The following DPP6 variants were observed in gnomAD, a reference collection of about 807,000 sequenced individuals.
DPP6 encodes dipeptidyl peptidase like 6, also known as A-type potassium channel modulatory protein DPP6.
DPP6 carries 69 observed loss-of-function variants against 122.6 expected under a neutral mutation model. That is an observed-to-expected ratio of 0.56 (90% confidence interval 0.46 to 0.69). The LOEUF (loss-of-function observed/expected upper bound fraction) is 0.69. Among genes scored for constraint, DPP6 ranks in the 30% least tolerant of loss-of-function variants. The pLI, the probability that DPP6 is intolerant of heterozygous loss-of-function variation, is 0.00. For synonymous variants in DPP6, 418 were observed against 433.1 expected (o/e 0.97, Z 0.43); for missense variants, 928 against 1,116.9 (o/e 0.83, Z 2.41).
intron 3 of DPP6, among the ~76,000 whole-genome samples, chr7:154,537,941 A>G (rs1828396783): frequency 6.6e-6 from 1 of 152,138 alleles, no homozygotes; most frequent in African/African-American, 2.4e-5. Context: ...AGTGAGAACT[A>G]AGAGCCAAGA....
intron 1 of DPP6, among the ~76,000 whole-genome samples, chr7:154,298,162 A>G (rs1294699762): frequency 1.3e-5 from 2 of 152,204 alleles, no homozygotes; most frequent in African/African-American, 4.8e-5. Context: ...GGCTTGAGCC[A>G]CCATCCCAAC....
At chr7:154,387,916 A>C (rs1317323666) in intron 1 of DPP6, among the ~76,000 whole-genome samples, 1 of 147,142 alleles carries the variant, frequency 6.8e-6, no homozygotes, top group Non-Finnish European at 1.5e-5. Context: ...CTGGAAGGTC[A>C]GCTCCATGAG....
chr7:154,175,140 A>C (rs573159409), intron 1 of DPP6, among the ~76,000 whole-genome samples: 40 of 151,930 alleles, frequency 2.6e-4, no homozygotes, highest in African/African-American at 8.9e-4. Flanking sequence ...CTTTATACTT[A>C]ATACTGCCCA....
At chr7:154,430,397 G>A (rs983176639) in intron 1 of DPP6, among the ~76,000 whole-genome samples, 3 of 152,184 alleles carry the variant, frequency 2.0e-5, no homozygotes, top group African/African-American at 7.2e-5. Flanking sequence ...GGAGGCTGGG[G>A]AATCTGAAGT....
chr7:153,867,911 T>C, the DPP6 span, among the ~76,000 whole-genome samples: 4 of 152,324 alleles, frequency 2.6e-5, no homozygotes, highest in South Asian at 8.3e-4. Context: ...GAGATAATCA[T>C]GTGGTTTTTG....
At position 154,062,016 on chromosome 7, in the gene DPP6, G is replaced by T. The variant is rs74190223; in HGVS notation, c.243+8953G>T. ...CTGGCTGTTGGTACCCCCATCGCAG[G>T]GGGGGGGAGGCACCCCCCGCGAGGC... On this transcript the variant is annotated intron_variant, in intron 1 of 25. Transcript: ENST00000377770. 3.0e-5 allele frequency among the ~76,000 whole-genome samples: 3 copies of T among 100,918 alleles called. 1 individual carries two copies. Among genetic ancestry groups the T allele is most frequent in the South Asian group, 4.2e-4 (1 of 2,402 alleles). 66.2% of individuals were successfully genotyped at this position (100,918 alleles called of 152,430 possible).
Position 154,833,028 on chromosome 7 carries a change from C to G in DPP6, c.1667-20752C>G, listed in dbSNP as rs901673360. On this transcript the variant is annotated intron_variant, in intron 16 of 25. Coordinates refer to ENST00000377770, the MANE Select transcript of DPP6 (RefSeq NM_130797.4). The surrounding 1 kb of genome is among the most constrained non-coding windows in gnomAD (Gnocchi z 4.3). ...GAGTTTGTGGAGATGAGGACAGAGGCCCTGCCCTCAAGTAGCCTGAAGTCT... is the reference window on the plus strand; with the variant it reads ...GAGTTTGTGGAGATGAGGACAGAGGGCCTGCCCTCAAGTAGCCTGAAGTCT... 9.2e-5 allele frequency among the ~76,000 whole-genome samples: 14 copies of G among 152,220 alleles called. No individual in the cohort carries two copies. Among genetic ancestry groups the G allele is most frequent in the African/African-American group, 3.1e-4 (13 of 41,464 alleles).
intron 1 of DPP6, among the ~76,000 whole-genome samples, chr7:154,080,039 C>G (rs1329164574): frequency 2.0e-5 from 3 of 150,536 alleles, no homozygotes; most frequent in Non-Finnish European, 4.4e-5. Flanking sequence ...GGAAGCCACA[C>G]GAGATAGCGC....
chr7:154,771,839 T>G (rs1240018494), intron 9 of DPP6, among the ~76,000 whole-genome samples: 1 of 152,222 alleles, frequency 6.6e-6, no homozygotes, highest in African/African-American at 2.4e-5. Context: ...AGCATTTTAG[T>G]TGGAAGCATA....
chr7:154,802,376 G>A (rs117885507), intron 13 of DPP6, among the ~76,000 whole-genome samples: 8 of 68,632 alleles, frequency 1.2e-4, no homozygotes, highest in Admixed American at 2.9e-4. Context: ...GGATGGAATC[G>A]GGGTGGGGGC....
chr7:153,924,306 A>G (rs1463113137), intron 1 of DPP6, among the ~76,000 whole-genome samples: 1 of 151,882 alleles, frequency 6.6e-6, no homozygotes, highest in Non-Finnish European at 1.5e-5. Flanking sequence ...ACGAGGTTTC[A>G]CCATTTTGGC....
At chr7:154,258,448 C>T (rs1802798561) in intron 1 of DPP6, among the ~76,000 whole-genome samples, 2 of 152,108 alleles carry the variant, frequency 1.3e-5, no homozygotes, top group Non-Finnish European at 2.9e-5. Context: ...AACTGAGATC[C>T]CGTGGAAGGA....
At chr7:154,066,633 T>A (rs1248685057) in intron 1 of DPP6, among the ~76,000 whole-genome samples, 2 of 151,138 alleles carry the variant, frequency 1.3e-5, no homozygotes, top group East Asian at 3.9e-4. Context: ...GAGACAAGAG[T>A]AGGAGCGAAG....
intron 1 of DPP6, among the ~76,000 whole-genome samples, chr7:154,140,695 C>T (rs1460214057): frequency 1.3e-5 from 2 of 152,122 alleles, no homozygotes; most frequent in Admixed American, 6.6e-5. Context: ...GAATTATATA[C>T]CTAACATGAT....
intron 1 of DPP6, among the ~76,000 whole-genome samples, chr7:154,404,076 C>T (rs940428432): frequency 1.3e-5 from 2 of 152,144 alleles, no homozygotes; most frequent in Non-Finnish European, 2.9e-5. Flanking sequence ...TTTTATTCAA[C>T]AAAGTAATTA....
At chr7:154,378,574 T>C (rs905177465) in intron 1 of DPP6, among the ~76,000 whole-genome samples, 7 of 152,148 alleles carry the variant, frequency 4.6e-5, no homozygotes, top group African/African-American at 1.7e-4. Context: ...CTTCTTGTTG[T>C]AGCCTTACAT....
At chr7:154,857,238 G>A (rs1288066707) in intron 17 of DPP6, among the ~76,000 whole-genome samples, 1 of 152,128 alleles carries the variant, frequency 6.6e-6, no homozygotes, top group African/African-American at 2.4e-5. Context: ...GGACAGTAGG[G>A]GTCCCATCTT....
At chr7:154,510,743 AT>A (rs1344911351) in intron 3 of DPP6, among the ~76,000 whole-genome samples, 1 of 152,008 alleles carries the variant, frequency 6.6e-6, no homozygotes, top group Non-Finnish European at 1.5e-5. Context: ...CTGCCAGGTA[AT>A]ATTGGAGCAA....
At chr7:154,430,884 T>C (rs1340936946) in intron 1 of DPP6, among the ~76,000 whole-genome samples, 1 of 121,628 alleles carries the variant, frequency 8.2e-6, no homozygotes, top group African/African-American at 2.6e-5. Context: ...GTCTGACTCA[T>C]TCGAATGTTT....
Sources: gnomAD v4.1 joint callset for allele counts (sites outside exome capture counted in the v4.1 genomes callset) on GRCh38, gnomAD v4.1.1 for gene constraint, Gnocchi (gnomAD v3.1) non-coding constraint, MANE v1.5 for transcripts, NCBI Gene and HGNC (gene_info 2026-07-23, HGNC 2026-07-21) for gene names.